The following TSPAN11 variants were observed in gnomAD, a reference collection of about 807,000 sequenced individuals.
TSPAN11 encodes tetraspanin-11.
TSPAN11 carries 29 observed loss-of-function variants against 32.9 expected under a neutral mutation model. The ratio of observed to expected loss-of-function variants is 0.88; its 90% CI spans 0.66 to 1.20. The LOEUF is 1.20. Among genes scored for constraint, TSPAN11 ranks in the 50% most tolerant of loss-of-function variants. The probability of loss-of-function intolerance (pLI) is 0.00; values close to 1 mark genes in which losing one functional copy is unlikely to be tolerated. For missense variants in TSPAN11, 283 were observed against 329.1 expected (o/e 0.86, Z 1.08); for synonymous variants, 140 against 141.3 (o/e 0.99, Z 0.07).
At chr12:30,980,039 C>T (rs35095) in intron 5 of TSPAN11, among the ~76,000 whole-genome samples, 35,119 of 152,148 alleles carry the variant, frequency 0.23, 4,272 homozygotes, top group Middle Eastern at 0.36. Flanking sequence ...TGCTTATATC[C>T]GTGGGGCTGC....
chr12:30,955,118 TGGCAA>T (rs1385590050), intron 2 of TSPAN11: 1 of 152,226 alleles, frequency 6.6e-6, no homozygotes. Flanking sequence ...TGGGTAGACA[TGGCAA>T]GGCAAGAGTT....
At chr12:30,940,160 G>A (rs55944602) in intron 1 of TSPAN11, among the ~76,000 whole-genome samples, 5,691 of 152,268 alleles carry the variant, frequency 0.037, 350 homozygotes, top group African/African-American at 0.13. Flanking sequence ...TGCCATAGAA[G>A]CAATGGCCTG....
At chr12:30,927,849 T>C (rs1027320612) in intron 1 of TSPAN11, among the ~76,000 whole-genome samples, 2 of 152,104 alleles carry the variant, frequency 1.3e-5, no homozygotes, top group Admixed American at 6.5e-5. Context: ...TGGGGCTCAG[T>C]TGCTTTTTGT....
chr12:30,983,000 G>C, intron 6 of TSPAN11, 64 bp from the exon 7 acceptor site: 1 of 1,520,854 alleles, frequency 6.6e-7, no homozygotes, highest in Non-Finnish European at 9.0e-7. Context: ...GTGACAGCCC[G>C]CCCTCCGTCC....
chr12:30,932,303 G>A (rs897587105), intron 1 of TSPAN11, among the ~76,000 whole-genome samples: 17 of 152,086 alleles, frequency 1.1e-4, no homozygotes, highest in Non-Finnish European at 2.1e-4. Context: ...GAATTTTACT[G>A]TTCATCCTTA....
the TSPAN11 span, among the ~76,000 whole-genome samples, chr12:31,016,176 G>A: frequency 6.6e-6 from 1 of 152,324 alleles, no homozygotes. Flanking sequence ...TATTGTATGA[G>A]TCCACTTATG....
At chr12:30,950,760 C>A (rs943033153) in intron 1 of TSPAN11, among the ~76,000 whole-genome samples, 1 of 152,158 alleles carries the variant, frequency 6.6e-6, no homozygotes, top group Admixed American at 6.5e-5. Context: ...GCTCATGGCC[C>A]AGGATGGCTG....
intron 2 of TSPAN11, among the ~76,000 whole-genome samples, chr12:30,958,321 C>T (rs1202517484): frequency 6.6e-6 from 1 of 152,182 alleles, no homozygotes; most frequent in East Asian, 1.9e-4. Context: ...CTTAGCATAA[C>T]AAGCCTATCC....
At chr12:30,928,204 C>A (rs944919161) in intron 1 of TSPAN11, among the ~76,000 whole-genome samples, 6 of 152,182 alleles carry the variant, frequency 3.9e-5, no homozygotes, top group African/African-American at 1.4e-4. Flanking sequence ...GCGTTGATGT[C>A]TTTAAGTCTG....
At chr12:30,962,781 A>G (rs1309292584) in intron 2 of TSPAN11, among the ~76,000 whole-genome samples, 1 of 152,178 alleles carries the variant, frequency 6.6e-6, no homozygotes, top group Non-Finnish European at 1.5e-5. Context: ...CAGGGAGACT[A>G]GCGGGCAGAA....
At chr12:30,946,914 C>A (rs749755506) in intron 1 of TSPAN11, among the ~76,000 whole-genome samples, 10 of 152,148 alleles carry the variant, frequency 6.6e-5, no homozygotes, top group Non-Finnish European at 1.3e-4. Context: ...TTGCCTGCCC[C>A]CTACTGTCTG....
intron 1 of TSPAN11, among the ~76,000 whole-genome samples, chr12:30,953,427 C>G (rs1331655968): frequency 6.6e-6 from 1 of 152,096 alleles, no homozygotes; most frequent in Non-Finnish European, 1.5e-5. Flanking sequence ...TCCTGCCAAA[C>G]CACCAGGCCT....
chr12:31,011,281 C>T, the TSPAN11 span, among the ~76,000 whole-genome samples: 2 of 152,200 alleles, frequency 1.3e-5, no homozygotes, highest in Admixed American at 1.3e-4. Flanking sequence ...GTCATCCCAG[C>T]TACTCAGGAG....
intron 1 of TSPAN11, among the ~76,000 whole-genome samples, chr12:30,933,539 A>T (rs1201654803): frequency 6.6e-6 from 1 of 151,854 alleles, no homozygotes; most frequent in South Asian, 2.1e-4. Flanking sequence ...GCCACCCCCT[A>T]CCTCTGCCCA....
intron 1 of TSPAN11, among the ~76,000 whole-genome samples, chr12:30,950,410 T>G (rs943328597): frequency 1.3e-5 from 2 of 152,158 alleles, no homozygotes; most frequent in African/African-American, 4.8e-5. Flanking sequence ...TGAATAATAT[T>G]TATCAATAAA....
chr12:30,984,821 G>A (rs1939169524), intron 7 of TSPAN11, among the ~76,000 whole-genome samples: 1 of 152,054 alleles, frequency 6.6e-6, no homozygotes, highest in Non-Finnish European at 1.5e-5. Context: ...GTCTCCCAAA[G>A]TGCTGGAATT....
Position 30,926,780 on chromosome 12 carries a change from C to A in TSPAN11, c.-28C>A, listed in dbSNP as rs1937802493. ...CTAGGCGCAGCTCCCTTCGCCGCTT[C>A]CGGAGCCCCTGGCAGGGTAAGTGCA... On this transcript the variant is annotated 5_prime_UTR_variant, in exon 1 of 8. Coordinates refer to ENST00000546076, the MANE Select transcript of TSPAN11 (RefSeq NM_001370302.1). 1.2e-5 allele frequency: 4 copies of A among 347,574 alleles called. No individual in the cohort carries two copies. The highest frequency in any genetic ancestry group is 2.0e-5 in the Non-Finnish European group (4 of 202,606). 21.5% of individuals were successfully genotyped at this position (347,574 alleles called of 1,614,324 possible).
chr12:30,965,948 C>G (rs1389786888), intron 3 of TSPAN11, among the ~76,000 whole-genome samples: 1 of 152,082 alleles, frequency 6.6e-6, no homozygotes, highest in Non-Finnish European at 1.5e-5. Context: ...CCGCATGCAG[C>G]CCAGGACAGC....
intron 1 of TSPAN11, among the ~76,000 whole-genome samples, chr12:30,935,249 G>A (rs1384360735): frequency 1.3e-5 from 2 of 152,042 alleles, no homozygotes; most frequent in East Asian, 3.9e-4. Context: ...ATTCAGTCAA[G>A]AAGACTGGGG....
Sources: gnomAD v4.1 joint callset for allele counts (sites outside exome capture counted in the v4.1 genomes callset) on GRCh38, gnomAD v4.1.1 for gene constraint, MANE v1.5 for transcripts, NCBI Gene and HGNC (gene_info 2026-07-23, HGNC 2026-07-21) for gene names.